PLEKHM1: variants seen among roughly 807,000 people sequenced by gnomAD.
PLEKHM1 encodes the protein pleckstrin homology domain-containing family M member 1.
PLEKHM1 carries 28 observed loss-of-function variants against 94.3 expected under a neutral mutation model. The ratio of observed to expected loss-of-function variants is 0.30; its 90% CI spans 0.22 to 0.41. PLEKHM1 has a LOEUF of 0.41. Ranked by LOEUF, PLEKHM1 falls within the 10% of genes least tolerant of loss-of-function variation. The pLI is 1.00. For missense variants in PLEKHM1, 907 were observed against 1,358.6 expected (o/e 0.67, Z 5.22); for synonymous variants, 424 against 581.2 (o/e 0.73, Z 3.89).
chr17:45,458,963 T>G (rs1397721351), intron 5 of PLEKHM1, among the ~76,000 whole-genome samples: 1 of 151,302 alleles, frequency 6.6e-6, no homozygotes, highest in Non-Finnish European at 1.5e-5. Context: ...TGAGAACCCA[T>G]CTCTACAAAA....
chr17:45,443,795 C>G (rs62065376), intron 9 of PLEKHM1, among the ~76,000 whole-genome samples: 18,679 of 152,098 alleles, frequency 0.12, 1,544 homozygotes, highest in Middle Eastern at 0.21. Context: ...CTCTCTGGAG[C>G]CCTGGGTCAT....
Position 45,437,293 on chromosome 17 carries a change from C to T in PLEKHM1, c.*565G>A, listed in dbSNP as rs1012902866. 2.2e-6 allele frequency: 1 copy of T among 453,998 alleles called. No individual in the cohort carries two copies. Among genetic ancestry groups the T allele is most frequent in the African/African-American group, 2.0e-5 (1 of 50,010 alleles). The allele number at this position is 453,998 out of a possible 1,614,324, so 28.1% of individuals were successfully genotyped here. ...GGGCCAAGGAAAGGCACTGGGTGGGCCCATAGACCCTGTCCCAGCAGTGGC... is the reference window on the plus strand; with the variant it reads ...GGGCCAAGGAAAGGCACTGGGTGGGTCCATAGACCCTGTCCCAGCAGTGGC... On this transcript the variant is annotated 3_prime_UTR_variant, in exon 12 of 12. Transcript: ENST00000430334. This position sits in a 1 kb window ranked among gnomAD's most constrained non-coding sequence, Gnocchi z 4.0.
chr17:45,448,920 G>A (rs1167167015), intron 8 of PLEKHM1, among the ~76,000 whole-genome samples: 1 of 152,148 alleles, frequency 6.6e-6, no homozygotes, highest in Non-Finnish European at 1.5e-5. Context: ...TGAGTCCTGT[G>A]TGATCCCAAC....
Position 45,468,333 on chromosome 17 carries a change from C to T in PLEKHM1, c.1184G>A (p.Gly395Asp). Reference sequence around the variant, plus strand: ...GCTGACAGTACTAGAAGGCTGCTGGCCTGAGGTGCTCTCTACAGGCTGCTG... The same window carrying T: ...GCTGACAGTACTAGAAGGCTGCTGGTCTGAGGTGCTCTCTACAGGCTGCTG... ...DLQQPVESTSGQQPSSTVSET... is the reference protein window; with the variant it reads ...DLQQPVESTSDQQPSSTVSET... The change falls in exon 5 of 12, where the codon GGC (glycine) becomes GAC (aspartate). Residue 395 changes from glycine (G) to aspartate (D), a missense_variant. Coordinates refer to ENST00000430334, the MANE Select transcript of PLEKHM1 (RefSeq NM_014798.3). 6.2e-7 allele frequency: 1 copy of T among 1,613,926 alleles called. No individual in the cohort carries two copies. Among genetic ancestry groups the T allele is most frequent in the South Asian group, 1.1e-5 (1 of 91,046 alleles).
chr17:45,451,417 G>A (rs2050771105), intron 7 of PLEKHM1, among the ~76,000 whole-genome samples: 1 of 152,164 alleles, frequency 6.6e-6, no homozygotes, highest in Non-Finnish European at 1.5e-5. Flanking sequence ...AAAAAGCAGA[G>A]GCCCTGACTC....
chr17:45,461,159 T>C (rs182615695), intron 5 of PLEKHM1, among the ~76,000 whole-genome samples: 3 of 152,382 alleles, frequency 2.0e-5, no homozygotes, highest in East Asian at 1.9e-4. Context: ...AGTGCTGGGA[T>C]TGCAGGCATG....
At chr17:45,489,828 G>A (rs536261403) in intron 1 of PLEKHM1, among the ~76,000 whole-genome samples, 46 of 152,342 alleles carry the variant, frequency 3.0e-4, no homozygotes, top group African/African-American at 1.0e-3. Context: ...GGAAGCAATG[G>A]ACGCAGAGTT....
Position 45,453,462 on chromosome 17 carries a change from C to T in PLEKHM1, c.2390G>A (p.Cys797Tyr), listed in dbSNP as rs1380091148. The change falls in exon 7 of 12, where the codon TGT (cysteine) becomes TAT (tyrosine). Residue 797 changes from cysteine to tyrosine, a missense_variant. Around this residue, in one of 3 missense-constraint regions of PLEKHM1, gnomAD observed 254 missense variants for 451.1 expected, o/e 0.56. Coordinates refer to ENST00000430334, the MANE Select transcript of PLEKHM1 (RefSeq NM_014798.3). This position sits in a 1 kb window ranked among gnomAD's most constrained non-coding sequence, Gnocchi z 4.1. ...GGTGGCAAATTTCAGCACCTCCTGA[C>T]AGTTTTCATCCAGGCTCCCGCCCAG... Reference protein sequence around the residue: ...VTLGGSLDENCQEVLKFATRE... With the variant: ...VTLGGSLDENYQEVLKFATRE... 6.2e-6 allele frequency: 10 copies of T among 1,607,588 alleles called. No homozygotes were observed. The highest frequency in any genetic ancestry group is 8.5e-6 in the Non-Finnish European group (10 of 1,176,942).
At chr17:45,479,051 T>C (rs1270041247) in intron 2 of PLEKHM1, among the ~76,000 whole-genome samples, 1 of 149,596 alleles carries the variant, frequency 6.7e-6, no homozygotes, top group Non-Finnish European at 1.5e-5. Context: ...AAGTGGTTTC[T>C]GGTGAAAACC....
At chr17:45,439,906 G>T in intron 10 of PLEKHM1, 1 of 637,826 alleles carries the variant, frequency 1.6e-6, no homozygotes, top group Non-Finnish European at 2.8e-6. Flanking sequence ...CTCCCCTTGG[G>T]GAAAGGAGTA....
At chr17:45,485,894 G>T (rs573537592) in intron 1 of PLEKHM1, among the ~76,000 whole-genome samples, 50 of 137,766 alleles carry the variant, frequency 3.6e-4, no homozygotes, top group African/African-American at 1.4e-3. Flanking sequence ...ACTCCAGCCG[G>T]GGCAGCAAAG....
intron 5 of PLEKHM1, among the ~76,000 whole-genome samples, chr17:45,466,909 G>A (rs1406550910): frequency 3.9e-5 from 6 of 152,100 alleles, no homozygotes; most frequent in Non-Finnish European, 8.8e-5. Context: ...AATAAGCACC[G>A]AGGTTCTCCA....
At position 45,475,276 on chromosome 17, in the gene PLEKHM1, G is replaced by A; in HGVS notation, c.747C>T (p.Ala249=). Residue 249 remains alanine (A), a synonymous_variant, in exon 4 of 12, where the codon GCC becomes GCT. Coordinates refer to ENST00000430334, the MANE Select transcript of PLEKHM1 (RefSeq NM_014798.3). The part of the protein sequence containing the change: ...HKIRRNQKLT[A]SSLSLDTASS... ...TGGCCGTGTCCAGGCTGAGGGAGGA[G>A]GCAGTCAGCTTCTGGTTCCTCCGTA... The A allele has an allele frequency of 1.2e-6, 2 of 1,613,988 alleles. No individual in the cohort carries two copies. Among genetic ancestry groups the A allele is most frequent in the South Asian group, 1.1e-5 (1 of 91,084 alleles).
In PLEKHM1 at chr17:45,440,169, G is replaced by C. The variant is rs1597910207; in HGVS notation, c.2895C>G (p.Leu965=). The C allele has an allele frequency of 1.2e-6, 2 of 1,613,644 alleles. No homozygotes were observed. Among genetic ancestry groups the C allele is most frequent in the East Asian group, 4.5e-5 (2 of 44,892 alleles). ...ESPHRFSVAD[L]QQIADGVYEG... Reference sequence around the variant, plus strand: ...GGAAGCATGACACTCTTACCTGTTGGAGGTCAGCAACACTGAACCTATGCG... The same window carrying C: ...GGAAGCATGACACTCTTACCTGTTGCAGGTCAGCAACACTGAACCTATGCG... Residue 965 remains leucine, a synonymous_variant, in exon 10 of 12, where the codon CTC becomes CTG. Coordinates refer to ENST00000430334, the MANE Select transcript of PLEKHM1 (RefSeq NM_014798.3).
Position 45,453,462 on chromosome 17 carries a change from C to G in PLEKHM1, c.2390G>C (p.Cys797Ser), listed in dbSNP as rs1380091148. 6.2e-7 allele frequency: 1 copy of G among 1,607,588 alleles called. No homozygotes were observed. The highest frequency in any genetic ancestry group is 2.3e-5 in the East Asian group (1 of 44,410). ...VTLGGSLDEN[C>S]QEVLKFATRE... ...GGTGGCAAATTTCAGCACCTCCTGA[C>G]AGTTTTCATCCAGGCTCCCGCCCAG... Residue 797 changes from cysteine to serine, a missense_variant, in exon 7 of 12, where the codon TGT becomes TCT. Transcript: ENST00000430334. This position sits in a 1 kb window ranked among gnomAD's most constrained non-coding sequence, Gnocchi z 4.1.
At chr17:45,440,330 C>T (rs141275095) in intron 9 of PLEKHM1, 104 bp from the exon 10 acceptor site, 1 of 1,188,004 alleles carries the variant, frequency 8.4e-7, no homozygotes, top group African/African-American at 1.5e-5. Flanking sequence ...GGCAGACACC[C>T]CCCGCCTGGG....
intron 9 of PLEKHM1, among the ~76,000 whole-genome samples, chr17:45,443,096 C>T (rs2050497024): frequency 6.6e-6 from 1 of 152,136 alleles, no homozygotes; most frequent in Non-Finnish European, 1.5e-5. Flanking sequence ...TATTCCCTTT[C>T]ATAAATTTTC....
chr17:45,437,587 T>C lies in PLEKHM1; in HGVS notation c.*271A>G, dbSNP rs1597903639. The C allele has an allele frequency of 1.5e-6, 1 of 649,164 alleles. No individual in the cohort carries two copies. Among genetic ancestry groups the C allele is most frequent in the Non-Finnish European group, 2.8e-6 (1 of 353,322 alleles). 40.2% of individuals were successfully genotyped at this position (649,164 alleles called of 1,614,324 possible). A position where few individuals can be genotyped will look rare whatever the true frequency, so the allele number is the denominator to read the frequency against. On this transcript the variant is annotated 3_prime_UTR_variant, in exon 12 of 12. Coordinates refer to ENST00000430334, the MANE Select transcript of PLEKHM1 (RefSeq NM_014798.3). The surrounding 1 kb of genome is among the most constrained non-coding windows in gnomAD (Gnocchi z 4.0). ...GCCGGGACGCTGGTGAGCCAGGGCC[T>C]GGTGAGTAAACGGCCCTGCCTGCCC...
intron 4 of PLEKHM1, among the ~76,000 whole-genome samples, chr17:45,471,347 G>A (rs1479542950): frequency 1.7e-5 from 2 of 116,414 alleles, no homozygotes; most frequent in African/African-American, 6.8e-5. Flanking sequence ...TTAGTGGGTG[G>A]GGGATGTAAA....
Sources: gnomAD v4.1 joint callset for allele counts (sites outside exome capture counted in the v4.1 genomes callset) on GRCh38, gnomAD v4.1.1 for gene constraint, gnomAD v4.1.1 regional missense constraint, Gnocchi (gnomAD v3.1) non-coding constraint, MANE v1.5 for transcripts, NCBI Gene and HGNC (gene_info 2026-07-23, HGNC 2026-07-21) for gene names.